Variants in SQLE observed in about 807,000 individuals in gnomAD.
SQLE encodes the protein squalene monooxygenase.
In SQLE, 29 loss-of-function variants were observed where a neutral mutation model predicts 60.7. That is an observed-to-expected ratio of 0.48 (90% CI 0.36 to 0.65). SQLE has a LOEUF of 0.65. SQLE is among the 30% of genes least tolerant of loss of function. SQLE has a pLI of 0.00. For missense variants in SQLE, 605 were observed against 684.1 expected (o/e 0.88, Z 1.29); for synonymous variants, 237 against 246.8 (o/e 0.96, Z 0.37).
chr8:125,002,903 G>A (rs926574860), intron 1 of SQLE, among the ~76,000 whole-genome samples: 1 of 152,060 alleles, frequency 6.6e-6, no homozygotes, highest in African/African-American at 2.4e-5. Context: ...TTCTAAATAT[G>A]TCTGTATAAC....
At chr8:125,018,957 A>G (rs1283065462) in intron 9 of SQLE, 3 of 451,642 alleles carry the variant, frequency 6.6e-6, no homozygotes, top group African/African-American at 4.2e-5. Flanking sequence ...CCTCAGTAAC[A>G]TATTCATTAT....
chr8:125,006,599 C>T (rs190898323), intron 3 of SQLE, among the ~76,000 whole-genome samples: 1,436 of 138,052 alleles, frequency 0.01, 28 homozygotes, highest in African/African-American at 0.036. Flanking sequence ...CCAGCCTGGG[C>T]GACAGAGCGA....
chr8:125,011,681 C>A, intron 7 of SQLE, 49 bp downstream of exon 7: 1 of 1,408,924 alleles, frequency 7.1e-7, no homozygotes, highest in Non-Finnish European at 9.8e-7. Context: ...TTCCAAATGA[C>A]AAATATATGA....
At chr8:125,001,449 G>GGGGT (rs148454550) in intron 1 of SQLE, among the ~76,000 whole-genome samples, 2 of 136,960 alleles carry the variant, frequency 1.5e-5, no homozygotes, top group Admixed American at 7.7e-5. Flanking sequence ...CTCCTTTCAG[G>GGGGT]GTGTGTGTGT....
chr8:125,007,366 A>C, intron 3 of SQLE, 25 bp from the exon 4 acceptor site: 2 of 1,480,468 alleles, frequency 1.4e-6, no homozygotes, highest in African/African-American at 1.4e-5. Flanking sequence ...GCTGCTTTAG[A>C]AATGTATTTT....
Position 124,998,797 on chromosome 8 carries a change from G to T in SQLE, c.-607G>T. Reference sequence around the variant, plus strand: ...GAGTCCGAGGCCATCTTTTGTTGGAGAAGGCGTCGGCGTTGGCGTTTTCCC... The same window carrying T: ...GAGTCCGAGGCCATCTTTTGTTGGATAAGGCGTCGGCGTTGGCGTTTTCCC... On this transcript the variant is annotated 5_prime_UTR_variant, in exon 1 of 11. Coordinates refer to ENST00000265896, the MANE Select transcript of SQLE (RefSeq NM_003129.4). The T allele has an allele frequency of 2.0e-6, 1 of 493,172 alleles. No homozygotes were observed. Among genetic ancestry groups the T allele is most frequent in the Non-Finnish European group, 3.6e-6 (1 of 276,802 alleles). The allele number at this position is 493,172 out of a possible 1,614,324, so 30.5% of individuals were successfully genotyped here.
chr8:125,005,418 T>A, intron 2 of SQLE, 107 bp from the exon 3 acceptor site: 1 of 1,021,520 alleles, frequency 9.8e-7, no homozygotes, highest in South Asian at 2.6e-5. Context: ...GTTCTCCAGA[T>A]TTGAAGGCAG....
chr8:124,999,277 A>G lies in SQLE; in HGVS notation c.-127A>G, dbSNP rs1231032212. 9.2e-6 allele frequency: 8 copies of G among 866,012 alleles called. No individual in the cohort carries two copies. The highest frequency in any genetic ancestry group is 1.3e-5 in the Non-Finnish European group (8 of 633,230). 53.6% of individuals were successfully genotyped at this position (866,012 alleles called of 1,614,324 possible). The stretch of plus-strand genomic sequence containing the variant: ...GTCTGATCGGACTTCTCGTCCTGGG[A>G]CACTGTTTACTGGAGTCTGGCCGGC... On this transcript the variant is annotated 5_prime_UTR_variant, in exon 1 of 11. Transcript: ENST00000265896.
At chr8:125,007,078 G>T (rs1270532453) in intron 3 of SQLE, among the ~76,000 whole-genome samples, 1 of 152,008 alleles carries the variant, frequency 6.6e-6, no homozygotes, top group Non-Finnish European at 1.5e-5. Context: ...ATGTATGAGG[G>T]TATGTAAAGT....
chr8:125,003,940 C>G (rs563135596), intron 2 of SQLE, among the ~76,000 whole-genome samples: 1 of 151,998 alleles, frequency 6.6e-6, no homozygotes, highest in Non-Finnish European at 1.5e-5. Flanking sequence ...GAAGCAAGCC[C>G]TCCCCTGTCT....
chr8:124,999,900 C>T, intron 1 of SQLE: 2 of 750,668 alleles, frequency 2.7e-6, no homozygotes, highest in Non-Finnish European at 4.6e-6. Context: ...TTTCATTTAG[C>T]ATTGGTTGAG....
chr8:125,018,368 T>C (rs1164023811), intron 8 of SQLE, among the ~76,000 whole-genome samples, 167 bp downstream of exon 8: 3 of 152,242 alleles, frequency 2.0e-5, no homozygotes, highest in Admixed American at 2.0e-4. Flanking sequence ...CCTGTGAATC[T>C]TAGAGAATTT....
At chr8:125,018,243 T>C in intron 8 of SQLE, 42 bp downstream of exon 8, 3 of 1,603,632 alleles carry the variant, frequency 1.9e-6, no homozygotes, top group Middle Eastern at 3.3e-4. Context: ...AAAATGGATT[T>C]ATTTCTGGGG....
intron 4 of SQLE, among the ~76,000 whole-genome samples, chr8:125,008,207 A>G (rs951662877): frequency 3.3e-5 from 5 of 152,070 alleles, no homozygotes; most frequent in African/African-American, 1.2e-4. Context: ...CTCCTGCCTC[A>G]GCCTCCTGAG....
intron 2 of SQLE, among the ~76,000 whole-genome samples, chr8:125,003,847 A>G (rs1814904841): frequency 8.0e-6 from 1 of 124,634 alleles, no homozygotes; most frequent in Admixed American, 9.8e-5. Context: ...CTATTCATTT[A>G]GGAAATATTT....
intron 3 of SQLE, 146 bp downstream of exon 3, chr8:125,005,851 A>G (rs1814938736): frequency 1.7e-6 from 1 of 579,586 alleles, no homozygotes; most frequent in African/African-American, 1.9e-5. Flanking sequence ...GTCAGTCAAA[A>G]GAGTGTTAGA....
rs1815166422 is a variant in SQLE, at chr8:125,019,480, G to T, written c.1444+753G>T. Among the ~76,000 whole-genome samples the T allele has an allele frequency of 5.3e-5, 8 of 151,614 alleles. No individual in the cohort carries two copies. In the South Asian group the frequency reaches 1.7e-3, roughly 31 times the overall value. On this transcript the variant is annotated intron_variant, in intron 9 of 10. Transcript: ENST00000265896. The stretch of plus-strand genomic sequence containing the variant: ...TGTGCCTGTAGTCCCAGCTATTTGG[G>T]ACTATATAGCTCACTACAGTGAGCT...
chr8:125,004,017 T>G (rs139061521), intron 2 of SQLE, among the ~76,000 whole-genome samples: 1 of 152,264 alleles, frequency 6.6e-6, no homozygotes, highest in East Asian at 1.9e-4. Flanking sequence ...TTCTAAAGGC[T>G]CCATCTCCAA....
Position 124,998,815 on chromosome 8 carries a change from G to GT in SQLE, c.-585dup, listed in dbSNP as rs1814791639. 2 of 494,106 alleles carry GT rather than the reference G, an allele frequency of 4.0e-6. No individual in the cohort carries two copies. The highest frequency in any genetic ancestry group is 7.2e-6 in the Non-Finnish European group (2 of 277,686). The allele number at this position is 494,106 out of a possible 1,614,324, so 30.6% of individuals were successfully genotyped here. On this transcript the variant is annotated 5_prime_UTR_variant, in exon 1 of 11. Coordinates refer to ENST00000265896, the MANE Select transcript of SQLE (RefSeq NM_003129.4). Reference sequence around the variant, plus strand: ...TGTTGGAGAAGGCGTCGGCGTTGGCGTTTTCCCGAGGTTGGGCTGTACAGT... The same window carrying GT: ...TGTTGGAGAAGGCGTCGGCGTTGGCGTTTTTCCCGAGGTTGGGCTGTACAGT...
Sources: gnomAD v4.1 joint callset for allele counts (sites outside exome capture counted in the v4.1 genomes callset) on GRCh38, gnomAD v4.1.1 for gene constraint, MANE v1.5 for transcripts, NCBI Gene and HGNC (gene_info 2026-07-23, HGNC 2026-07-21) for gene names.